CASR: variants seen among roughly 807,000 people sequenced by gnomAD.
CASR encodes extracellular calcium-sensing receptor.
Under a neutral mutation model 69.1 loss-of-function variants are expected in CASR, and 23 were observed. The observed-to-expected ratio is 0.33, with a 90% CI of 0.24 to 0.47. The LOEUF is 0.47. CASR is among the 20% of genes least tolerant of loss of function. The pLI, the probability that CASR is intolerant of heterozygous loss-of-function variation, is 1.00. For missense variants in CASR, 924 were observed against 1,356.1 expected (o/e 0.68, Z 5.00); for synonymous variants, 541 against 544.7 (o/e 0.99, Z 0.10).
intron 1 of CASR, among the ~76,000 whole-genome samples, chr3:122,194,279 C>T (rs925762067): frequency 2.6e-5 from 4 of 152,152 alleles, no homozygotes; most frequent in African/African-American, 9.7e-5. Context: ...GGCCTTTTAT[C>T]ATATATGCAT....
At chr3:122,247,909 C>A (rs988593539) in intron 1 of CASR, among the ~76,000 whole-genome samples, 2 of 152,198 alleles carry the variant, frequency 1.3e-5, no homozygotes, top group Non-Finnish European at 2.9e-5. Context: ...CAATGACTCA[C>A]AAGAACCCAC....
rs186531745 is a variant in CASR, at chr3:122,235,992, G to T, written c.-242-17956G>T. On this transcript the variant is annotated intron_variant, in intron 1 of 6. Coordinates refer to ENST00000639785, the MANE Select transcript of CASR (RefSeq NM_000388.4). ...GATTCAGTAGGTTGGGATGGGATTC[G>T]TGTTTCTAACAAGTTCCCAAGTGAT... 2.0e-5 allele frequency among the ~76,000 whole-genome samples: 3 copies of T among 152,290 alleles called. No individual in the cohort carries two copies. In the East Asian group the frequency reaches 5.8e-4, roughly 29 times the overall value.
intron 1 of CASR, among the ~76,000 whole-genome samples, chr3:122,203,987 C>T (rs1441114715): frequency 6.6e-6 from 1 of 151,870 alleles, no homozygotes; most frequent in Non-Finnish European, 1.5e-5. Flanking sequence ...AATAGACATA[C>T]ATAGTTTGTG....
intron 1 of CASR, among the ~76,000 whole-genome samples, chr3:122,217,443 A>G (rs966669293): frequency 1.3e-5 from 2 of 152,168 alleles, no homozygotes; most frequent in Non-Finnish European, 2.9e-5. Flanking sequence ...ATGGTACCCA[A>G]TCTTGTGTGA....
In CASR at chr3:122,290,908, T is replaced by C. The variant is rs1253652827; in HGVS notation, c.*5717T>C. 7.6e-6 allele frequency: 1 copy of C among 130,782 alleles called. No homozygotes were observed. Among genetic ancestry groups the C allele is most frequent in the Non-Finnish European group, 1.6e-5 (1 of 64,038 alleles). 8.1% of individuals were successfully genotyped at this position (130,782 alleles called of 1,614,324 possible). On this transcript the variant is annotated 3_prime_UTR_variant, in exon 7 of 7. Transcript: ENST00000639785. ...CCCCACCCCACAATAGGCCCTGGTG[T>C]GTGATGTTCCCCTTCCTGTGTCCAT... is the stretch of plus-strand genomic sequence containing the variant.
intron 1 of CASR, among the ~76,000 whole-genome samples, chr3:122,191,402 T>G (rs569777736): frequency 3.9e-5 from 6 of 152,162 alleles, no homozygotes; most frequent in Non-Finnish European, 7.4e-5. Context: ...ACTTCTGCCT[T>G]CCGGGTTCAA....
intron 1 of CASR, among the ~76,000 whole-genome samples, chr3:122,238,407 G>A (rs551183275): frequency 3.3e-5 from 5 of 152,294 alleles, no homozygotes; most frequent in East Asian, 1.9e-4. Flanking sequence ...CTAAGCAGTC[G>A]GAACTTGAGT....
chr3:122,205,063 A>G (rs2073993298), intron 1 of CASR, among the ~76,000 whole-genome samples: 2 of 152,032 alleles, frequency 1.3e-5, no homozygotes, highest in African/African-American at 4.8e-5. Flanking sequence ...TTTGCTGTAA[A>G]GAAGCTTTTT....
chr3:122,191,417 T>C (rs1003719747), intron 1 of CASR, among the ~76,000 whole-genome samples: 4 of 152,122 alleles, frequency 2.6e-5, no homozygotes, highest in African/African-American at 9.7e-5. Flanking sequence ...GTTCAAGCAA[T>C]TCTCCTGCCT....
intron 1 of CASR, among the ~76,000 whole-genome samples, chr3:122,225,442 T>C (rs1353690071): frequency 1.3e-5 from 2 of 151,272 alleles, no homozygotes. Context: ...GACATACATG[T>C]GGCCAAATGT....
intron 1 of CASR, among the ~76,000 whole-genome samples, chr3:122,253,393 C>T (rs144399787): frequency 1.6e-4 from 24 of 152,312 alleles, no homozygotes; most frequent in Middle Eastern, 6.8e-3. Context: ...AGGCGTATGC[C>T]ACCACATCCA....
chr3:122,278,968 T>G (rs2074854955), intron 5 of CASR, among the ~76,000 whole-genome samples: 1 of 152,218 alleles, frequency 6.6e-6, no homozygotes, highest in African/African-American at 2.4e-5. Flanking sequence ...GATGACATTT[T>G]TCAGCCTTCA....
chr3:122,261,740 C>G lies in CASR; in HGVS notation c.705C>G (p.Ile235Met), dbSNP rs199887150. 3.1e-6 allele frequency: 5 copies of G among 1,614,178 alleles called. No individual in the cohort carries two copies. The South Asian group carries it at 5.5e-5, about 18-fold the overall frequency. ...KFREEAEERD[I>M]CIDFSELISQ... is the part of the protein sequence containing the mutation. The stretch of plus-strand genomic sequence containing the variant: ...GAGAGGAAGCTGAGGAAAGGGATAT[C>G]TGCATCGACTTCAGTGAACTCATCT... Residue 235 changes from isoleucine (I) to methionine (M), a missense_variant, in exon 4 of 7, where the codon ATC becomes ATG. This residue lies in a region of CASR where 141 missense variants were observed against 283.0 expected (regional missense o/e 0.50). Transcript: ENST00000639785.
chr3:122,272,236 G>A (rs73186015), intron 4 of CASR, among the ~76,000 whole-genome samples: 16,745 of 152,094 alleles, frequency 0.11, 1,219 homozygotes, highest in Middle Eastern at 0.26. Flanking sequence ...AGCAGTCTAT[G>A]GAGGACCCCA....
intron 1 of CASR, among the ~76,000 whole-genome samples, chr3:122,200,193 C>T (rs2073928428): frequency 6.6e-6 from 1 of 152,158 alleles, no homozygotes. Flanking sequence ...AGGCATGAGC[C>T]ACTACACCTG....
intron 1 of CASR, among the ~76,000 whole-genome samples, chr3:122,205,312 AGCACCACT>A (rs2073996331): frequency 6.6e-6 from 1 of 152,132 alleles, no homozygotes; most frequent in Admixed American, 6.6e-5. Flanking sequence ...CAGTTTTCCC[AGCACCACT>A]TATTGAAGAG....
chr3:122,215,398 C>T (rs2074108190), intron 1 of CASR, among the ~76,000 whole-genome samples: 1 of 152,214 alleles, frequency 6.6e-6, no homozygotes. Flanking sequence ...CTATCTACAT[C>T]CACAACTCAT....
intron 4 of CASR, among the ~76,000 whole-genome samples, chr3:122,274,530 A>G (rs1279376238): frequency 1.3e-5 from 2 of 152,228 alleles, no homozygotes; most frequent in African/African-American, 4.8e-5. Flanking sequence ...AAGGCCTATT[A>G]AGGCCATTCA....
chr3:122,211,754 C>A (rs1366860717), intron 1 of CASR, among the ~76,000 whole-genome samples: 1 of 151,866 alleles, frequency 6.6e-6, no homozygotes, highest in African/African-American at 2.4e-5. Context: ...GGGCAAAGGA[C>A]GTGAACAGAC....
Sources: gnomAD v4.1 joint callset for allele counts (sites outside exome capture counted in the v4.1 genomes callset) on GRCh38, gnomAD v4.1.1 for gene constraint, gnomAD v4.1.1 regional missense constraint, MANE v1.5 for transcripts, NCBI Gene and HGNC (gene_info 2026-07-23, HGNC 2026-07-21) for gene names.